Variants in ST18 observed in about 807,000 individuals in gnomAD.
ST18 encodes suppression of tumorigenicity 18 protein.
In ST18, 50 loss-of-function variants were observed where a neutral mutation model predicts 110.0. That is an observed-to-expected ratio of 0.45 (90% CI 0.36 to 0.58). The LOEUF is 0.58. Among genes scored for constraint, ST18 ranks in the 20% least tolerant of loss-of-function variants. The pLI is 0.00. For synonymous variants in ST18, 461 were observed against 452.4 expected (o/e 1.02, Z -0.24); for missense variants, 1,306 against 1,280.1 (o/e 1.02, Z -0.31).
intron 2 of ST18, among the ~76,000 whole-genome samples, chr8:52,337,273 G>GC (rs1364251331): frequency 2.0e-5 from 3 of 152,218 alleles, no homozygotes; most frequent in African/African-American, 7.2e-5. Flanking sequence ...AACAAGAGCT[G>GC]CCACTGCAAC....
At chr8:52,119,132 C>T (rs529182373) in intron 23 of ST18, among the ~76,000 whole-genome samples, 1 of 152,238 alleles carries the variant, frequency 6.6e-6, no homozygotes, top group South Asian at 2.1e-4. Flanking sequence ...GGGCAACTTA[C>T]TTATCTTCTT....
intron 2 of ST18, among the ~76,000 whole-genome samples, chr8:52,375,575 C>T (rs934546872): frequency 1.3e-5 from 2 of 152,302 alleles, no homozygotes; most frequent in African/African-American, 4.8e-5. Context: ...ACTGGTTGCT[C>T]CTACTTGCCT....
chr8:52,344,350 C>A (rs1309086257), intron 2 of ST18, among the ~76,000 whole-genome samples: 1 of 151,678 alleles, frequency 6.6e-6, no homozygotes, highest in Non-Finnish European at 1.5e-5. Context: ...TGGAAAGTGT[C>A]TTATGTCCCT....
Position 52,124,180 on chromosome 8 carries a change from A to AT in ST18, c.2755+1871dup, listed in dbSNP as rs11299061. On this transcript the variant is annotated intron_variant, in intron 23 of 25. Coordinates refer to ENST00000689386, the MANE Select transcript of ST18 (RefSeq NM_001352837.2). ...TTTCCTTTGTCTCATTTTTGAATTA[A>AT]TTTTTTTTTTTTTGAGACAGAGTCT... 9.7e-4 allele frequency among the ~76,000 whole-genome samples: 144 copies of AT among 147,810 alleles called. 1 individual carries two copies. Among genetic ancestry groups the AT allele is most frequent in the African/African-American group, 2.0e-3 (80 of 40,512 alleles).
At chr8:52,237,992 G>C (rs745844646) in intron 2 of ST18, among the ~76,000 whole-genome samples, 23 of 152,196 alleles carry the variant, frequency 1.5e-4, no homozygotes, top group Non-Finnish European at 2.1e-4. Flanking sequence ...TTAGGGAAAT[G>C]CAAGTTAAAA....
chr8:52,133,369 T>G (rs2050558256), intron 19 of ST18, 68 bp from the exon 20 acceptor site: 2 of 1,562,652 alleles, frequency 1.3e-6, no homozygotes, highest in Non-Finnish European at 8.8e-7. Flanking sequence ...CACACTCAAG[T>G]TATTTAGGTT....
chr8:52,387,036 A>G (rs1335617946), intron 2 of ST18, among the ~76,000 whole-genome samples: 1 of 152,206 alleles, frequency 6.6e-6, no homozygotes, highest in African/African-American at 2.4e-5. Flanking sequence ...CTGTCATTCC[A>G]TGAGAAGTTA....
chr8:52,349,611 T>C (rs1045445923), intron 2 of ST18, among the ~76,000 whole-genome samples: 2 of 152,198 alleles, frequency 1.3e-5, no homozygotes, highest in South Asian at 2.1e-4. Flanking sequence ...AATATAAAAG[T>C]GTGAGAATAC....
intron 2 of ST18, chr8:52,409,061 G>A (rs1331093162): frequency 2.6e-5 from 4 of 152,164 alleles, no homozygotes; most frequent in South Asian, 2.1e-4. Context: ...ACTGTCTGCC[G>A]AGTATCATAC....
At chr8:52,372,199 T>C (rs1042837522) in intron 2 of ST18, among the ~76,000 whole-genome samples, 3 of 152,086 alleles carry the variant, frequency 2.0e-5, no homozygotes, top group Admixed American at 6.5e-5. Context: ...TCTTAGTTTT[T>C]AACAAAAAAG....
At position 52,116,434 on chromosome 8, in the gene ST18, C is replaced by T; in HGVS notation, c.2860-16G>A. The T allele has an allele frequency of 6.2e-7, 1 of 1,607,112 alleles. No homozygotes were observed. Among genetic ancestry groups the T allele is most frequent in the Admixed American group, 1.7e-5 (1 of 59,288 alleles). On this transcript the variant is annotated splice_polypyrimidine_tract_variant and intron_variant, in intron 24 of 25. Coordinates refer to ENST00000689386, the MANE Select transcript of ST18 (RefSeq NM_001352837.2). ...TAGATGTGATCTACAACAGAAATAACTTGGGAATGTGAGTAGTGGAGTTTG... is the reference window on the plus strand; with the variant it reads ...TAGATGTGATCTACAACAGAAATAATTTGGGAATGTGAGTAGTGGAGTTTG...
intron 2 of ST18, among the ~76,000 whole-genome samples, chr8:52,330,254 C>T (rs1256066918): frequency 6.6e-6 from 1 of 152,144 alleles, no homozygotes; most frequent in Non-Finnish European, 1.5e-5. Flanking sequence ...GTTTAATGAT[C>T]ACTGGCATAA....
At chr8:52,214,121 G>T (rs2083228249) in intron 7 of ST18, 82 bp downstream of exon 7, 1 of 1,407,762 alleles carries the variant, frequency 7.1e-7, no homozygotes. Flanking sequence ...CATTCTGACT[G>T]CACACGAGGG....
chr8:52,142,432 T>A (rs1160785240), intron 17 of ST18, among the ~76,000 whole-genome samples: 1 of 152,212 alleles, frequency 6.6e-6, no homozygotes, highest in Non-Finnish European at 1.5e-5. Flanking sequence ...ATGAGTAGAC[T>A]TGATTAATAT....
chr8:52,139,509 C>T (rs1014304125), intron 17 of ST18, among the ~76,000 whole-genome samples: 2 of 152,080 alleles, frequency 1.3e-5, no homozygotes, highest in African/African-American at 4.8e-5. Flanking sequence ...GCGTGTACCA[C>T]CATGCCCGAC....
chr8:52,357,476 A>C (rs1255227372), intron 2 of ST18, among the ~76,000 whole-genome samples: 1 of 151,500 alleles, frequency 6.6e-6, no homozygotes, highest in Non-Finnish European at 1.5e-5. Context: ...TGAAAGTGAA[A>C]GAATGGAAAA....
At chr8:52,357,719 ATATATATATAT>A (rs1564568793) in intron 2 of ST18, among the ~76,000 whole-genome samples, 9 of 72,806 alleles carry the variant, frequency 1.2e-4, no homozygotes, top group East Asian at 4.5e-4. Context: ...ATATATATAT[ATATATATATAT>A]AAAACAGACT....
In ST18 at chr8:52,112,874, G is replaced by A; in HGVS notation, c.*324C>T. The A allele has an allele frequency of 5.7e-6, 1 of 176,350 alleles. No individual in the cohort carries two copies. Among genetic ancestry groups the A allele is most frequent in the Non-Finnish European group, 1.2e-5 (1 of 85,016 alleles). 10.9% of individuals were successfully genotyped at this position (176,350 alleles called of 1,614,324 possible). ...GCAGTTAAAAGATAAAAAACTCTTTGATTAGTAATAAATAAATTATAAAAA... is the reference window on the plus strand; with the variant it reads ...GCAGTTAAAAGATAAAAAACTCTTTAATTAGTAATAAATAAATTATAAAAA... On this transcript the variant is annotated 3_prime_UTR_variant, in exon 26 of 26. Coordinates refer to ENST00000689386, the MANE Select transcript of ST18 (RefSeq NM_001352837.2).
chr8:52,134,914 T>A (rs535269565), intron 19 of ST18, among the ~76,000 whole-genome samples: 5 of 152,150 alleles, frequency 3.3e-5, no homozygotes, highest in African/African-American at 7.2e-5. Context: ...TTTTCTTGTA[T>A]GGAAAAAACA....
Sources: gnomAD v4.1 joint callset for allele counts (sites outside exome capture counted in the v4.1 genomes callset) on GRCh38, gnomAD v4.1.1 for gene constraint, MANE v1.5 for transcripts, NCBI Gene and HGNC (gene_info 2026-07-23, HGNC 2026-07-21) for gene names.